CCDC196: variants seen among roughly 807,000 people sequenced by gnomAD.
CCDC196 encodes the protein coiled-coil domain-containing protein 196.
At chr14:66,490,228 A>G (rs1594737218) in intron 4 of CCDC196, among the ~76,000 whole-genome samples, 2 of 79,586 alleles carry the variant, frequency 2.5e-5, no homozygotes, top group African/African-American at 3.9e-4. Flanking sequence ...ACATCTATAC[A>G]CTTAACCTGT....
At chr14:66,489,429 C>T (rs546597545) in intron 4 of CCDC196, among the ~76,000 whole-genome samples, 7 of 152,180 alleles carry the variant, frequency 4.6e-5, no homozygotes, top group Non-Finnish European at 8.8e-5. Context: ...TCATGGTTGG[C>T]TCATTCTCAT....
chr14:66,496,098 A>C (rs776307966), intron 8 of CCDC196: 1 of 327,856 alleles, frequency 3.1e-6, no homozygotes, highest in Non-Finnish European at 6.1e-6. Flanking sequence ...TTGTATACTT[A>C]ACAGTGTTAC....
chr14:66,488,370 C>T (rs1459394335), intron 3 of CCDC196, 114 bp downstream of exon 3: 2 of 398,120 alleles, frequency 5.0e-6, no homozygotes, highest in Non-Finnish European at 9.0e-6. Context: ...GATGCTCCAA[C>T]ACTCATATCT....
intron 3 of CCDC196, 107 bp downstream of exon 3, chr14:66,488,363 G>C (rs538306143): frequency 1.3e-5 from 5 of 399,504 alleles, no homozygotes; most frequent in African/African-American, 6.2e-5. Flanking sequence ...AGCATCTGAT[G>C]CTCCAACACT....
intron 8 of CCDC196, chr14:66,494,822 G>A (rs1268550778): frequency 6.6e-6 from 1 of 152,006 alleles, no homozygotes; most frequent in African/African-American, 2.4e-5. Flanking sequence ...TCAGGAGATT[G>A]AGACAATCCT....
chr14:66,489,164 T>A, intron 4 of CCDC196, 127 bp downstream of exon 4: 1 of 408,626 alleles, frequency 2.4e-6, no homozygotes, highest in Non-Finnish European at 4.5e-6. Flanking sequence ...TTCCAATCCA[T>A]TCTCTACACA....
At chr14:66,493,464 A>G (rs1246786158) in intron 8 of CCDC196, among the ~76,000 whole-genome samples, 2 of 152,224 alleles carry the variant, frequency 1.3e-5, no homozygotes, top group Non-Finnish European at 2.9e-5. Flanking sequence ...CCAGGTCCAT[A>G]TAATGGGGGC....
At chr14:66,491,184 G>A in intron 6 of CCDC196, 80 bp downstream of exon 6, 1 of 407,994 alleles carries the variant, frequency 2.5e-6, no homozygotes, top group Non-Finnish European at 4.4e-6. Context: ...ATTTGCCTAA[G>A]GTATGGTGTG....
At chr14:66,492,815 T>C (rs1157196985) in intron 8 of CCDC196, 2 of 152,774 alleles carry the variant, frequency 1.3e-5, no homozygotes, top group Admixed American at 1.3e-4. Context: ...TTTCTAGGAA[T>C]TAGAATTGTT....
intron 2 of CCDC196, among the ~76,000 whole-genome samples, chr14:66,487,915 G>A (rs1566710841): frequency 6.6e-6 from 1 of 152,114 alleles, no homozygotes; most frequent in Non-Finnish European, 1.5e-5. Flanking sequence ...CTGGCTGTTG[G>A]AGACCTAAGT....
intron 2 of CCDC196, 72 bp from the exon 3 acceptor site, chr14:66,488,088 T>C: frequency 2.4e-6 from 1 of 410,504 alleles, no homozygotes; most frequent in Non-Finnish European, 4.4e-6. Context: ...GAGTACTTTC[T>C]GACTAGTTGC....
Position 66,486,518 on chromosome 14 carries a change from A to C in CCDC196, c.16A>C (p.Asn6His). 2.4e-6 allele frequency: 1 copy of C among 412,706 alleles called. No individual in the cohort carries two copies. Among genetic ancestry groups the C allele is most frequent in the Non-Finnish European group, 4.4e-6 (1 of 226,048 alleles). The allele number at this position is 412,706 out of a possible 1,614,324, so 25.6% of individuals were successfully genotyped here. The change falls in exon 1 of 10, where the codon AAC (asparagine) becomes CAC (histidine). Residue 6 changes from asparagine to histidine, a missense_variant. Transcript: ENST00000636229. ...ACCCTTCAAGATGACAAGTGGTGCA[A>C]ACTCTTCAGGATCTTACCTGCCCTC... The part of the protein sequence containing the change: MTSGA[N>H]SSGSYLPSEI...
At position 66,490,866 on chromosome 14, in the gene CCDC196, A is replaced by G. The variant is rs976017856; in HGVS notation, c.429+47A>G. The G allele has an allele frequency of 2.5e-5, 10 of 404,902 alleles. No individual in the cohort carries two copies. In the Admixed American group the frequency reaches 4.0e-4, roughly 16 times the overall value. The allele number at this position is 404,902 out of a possible 1,614,324, so 25.1% of individuals were successfully genotyped here. A position where few individuals can be genotyped will look rare whatever the true frequency, so the allele number is the denominator to read the frequency against. Reference sequence around the variant, plus strand: ...AAAATTTCAAGATTGTCGATGTCACACAGCTGGAAACAGCCTGCTGACAAT... The same window carrying G: ...AAAATTTCAAGATTGTCGATGTCACGCAGCTGGAAACAGCCTGCTGACAAT... On this transcript the variant is annotated intron_variant, in intron 5 of 9. Coordinates refer to ENST00000636229, the MANE Select transcript of CCDC196 (RefSeq NM_001351576.1).
At chr14:66,496,095 C>A in intron 8 of CCDC196, 1 of 322,674 alleles carries the variant, frequency 3.1e-6, no homozygotes, top group Non-Finnish European at 6.2e-6. Flanking sequence ...AGTTTGTATA[C>A]TTAACAGTGT....
At chr14:66,495,846 G>C (rs983716786) in intron 8 of CCDC196, 3 of 155,214 alleles carry the variant, frequency 1.9e-5, no homozygotes, top group Non-Finnish European at 2.9e-5. Context: ...TTGGCACCAA[G>C]GTGTATTACT....
intron 2 of CCDC196, among the ~76,000 whole-genome samples, chr14:66,487,774 A>G (rs908124527): frequency 6.6e-6 from 1 of 152,174 alleles, no homozygotes; most frequent in African/African-American, 2.4e-5. Context: ...GGGTTAGGAA[A>G]TAACTCTGGG....
chr14:66,487,957 A>G (rs1280807355), intron 2 of CCDC196, among the ~76,000 whole-genome samples: 2 of 152,182 alleles, frequency 1.3e-5, no homozygotes, highest in Non-Finnish European at 2.9e-5. Flanking sequence ...AATTCATTCT[A>G]GAGCACATAG....
intron 8 of CCDC196, 130 bp from the exon 9 acceptor site, chr14:66,497,979 T>TA (rs55669545): frequency 0.038 from 11,873 of 314,868 alleles, no homozygotes; most frequent in East Asian, 0.059. Context: ...AGTTATTTTC[T>TA]AAAAAAAAAA....
In CCDC196 at chr14:66,498,494, T is replaced by C. The variant is rs1455301803; in HGVS notation, c.*22T>C. The C allele has an allele frequency of 7.3e-6, 3 of 412,930 alleles. No individual in the cohort carries two copies. The highest frequency in any genetic ancestry group is 1.3e-5 in the Non-Finnish European group (3 of 225,528). 25.6% of individuals were successfully genotyped at this position (412,930 alleles called of 1,614,324 possible). ...TTAGCAGGCTTTCGCTCCATTTGCT[T>C]TGGACAGATTTAAAGACTAGGCACA... On this transcript the variant is annotated 3_prime_UTR_variant, in exon 10 of 10. Transcript: ENST00000636229.
Sources: allele counts gnomAD v4.1 joint callset (sites outside exome capture counted in the v4.1 genomes callset), GRCh38; gene constraint gnomAD v4.1.1; transcripts MANE v1.5; gene names NCBI Gene and HGNC (gene_info 2026-07-23, HGNC 2026-07-21).